NEK10: variants seen among roughly 807,000 people sequenced by gnomAD.
The protein encoded by NEK10 is NIMA related kinase 10, also known as serine/threonine-protein kinase Nek10.
A neutral mutation model predicts 159.8 loss-of-function variants in NEK10; 122 were observed. The observed-to-expected ratio is 0.76, with a 90% CI of 0.66 to 0.89. The LOEUF (loss-of-function observed/expected upper bound fraction) is 0.89. Among genes scored for constraint, NEK10 ranks in the 40% least tolerant of loss-of-function variants. The pLI, the probability that NEK10 is intolerant of heterozygous loss-of-function variation, is 0.00. For missense variants in NEK10, 1,342 were observed against 1,323.1 expected (o/e 1.01, Z -0.22); for synonymous variants, 466 against 457.1 (o/e 1.02, Z -0.25).
intron 22 of NEK10, among the ~76,000 whole-genome samples, chr3:27,280,097 A>G (rs1404574685): frequency 7.5e-6 from 1 of 133,918 alleles, no homozygotes; most frequent in Non-Finnish European, 1.6e-5. Context: ...CTAAAATGGA[A>G]AAAAAAAAAA....
chr3:27,250,975 A>G (rs1339933000), intron 23 of NEK10, among the ~76,000 whole-genome samples: 1 of 152,172 alleles, frequency 6.6e-6, no homozygotes, highest in Non-Finnish European at 1.5e-5. Flanking sequence ...AATGAGTACT[A>G]TCCTTTCAAA....
chr3:27,146,340 G>C (rs921526368), intron 30 of NEK10, among the ~76,000 whole-genome samples: 2 of 152,064 alleles, frequency 1.3e-5, no homozygotes, highest in Non-Finnish European at 2.9e-5. Flanking sequence ...GGGTTACACT[G>C]TACTCTCCCA....
chr3:27,278,386 C>A (rs1218726652), intron 22 of NEK10, among the ~76,000 whole-genome samples: 2 of 152,192 alleles, frequency 1.3e-5, no homozygotes, highest in Non-Finnish European at 2.9e-5. Flanking sequence ...GAATAACAGA[C>A]GTTTTCCCCA....
intron 23 of NEK10, among the ~76,000 whole-genome samples, chr3:27,203,293 G>T (rs1301514456): frequency 6.6e-6 from 1 of 152,138 alleles, no homozygotes; most frequent in Non-Finnish European, 1.5e-5. Context: ...CTGACTGATA[G>T]AGCCTTTCCC....
chr3:27,116,514 A>G (rs368898783), intron 33 of NEK10, among the ~76,000 whole-genome samples: 62 of 152,318 alleles, frequency 4.1e-4, no homozygotes, highest in African/African-American at 1.4e-3. Context: ...AAGAATAAAT[A>G]TACGTTAGAA....
At chr3:27,340,106 C>T (rs117012690) in intron 5 of NEK10, among the ~76,000 whole-genome samples, 2,998 of 152,230 alleles carry the variant, frequency 0.02, 149 homozygotes, top group East Asian at 0.16. Flanking sequence ...TGGAACCAAC[C>T]CAAATGCTTA....
At chr3:27,120,919 TG>T (rs1190830998) in intron 32 of NEK10, among the ~76,000 whole-genome samples, 1 of 152,144 alleles carries the variant, frequency 6.6e-6, no homozygotes. Flanking sequence ...TCAGAAAAAA[TG>T]GCATAATTTG....
rs1193292503 is a variant in NEK10, at chr3:27,297,171, G to T, written c.1230+8C>A. ...TGGAGACCTGACCTTGAGAAGGAGT[G>T]CTCTCACCTGAACCACCTGGTGGGC... On this transcript the variant is annotated splice_region_variant and intron_variant, in intron 14 of 35. Transcript: ENST00000691995. 1 of 1,599,000 alleles carries T rather than the reference G, an allele frequency of 6.3e-7. No individual in the cohort carries two copies. The highest frequency in any genetic ancestry group is 1.7e-5 in the Admixed American group (1 of 59,992).
At chr3:27,153,080 G>C (rs1436616256) in intron 30 of NEK10, among the ~76,000 whole-genome samples, 1 of 152,072 alleles carries the variant, frequency 6.6e-6, no homozygotes, top group Non-Finnish European at 1.5e-5. Flanking sequence ...CCAGCACTTT[G>C]GGAGGCCAAG....
chr3:27,114,163 T>G (rs111567708), intron 35 of NEK10, among the ~76,000 whole-genome samples: 25 of 152,188 alleles, frequency 1.6e-4, no homozygotes, highest in African/African-American at 5.5e-4. Context: ...TTACACAGCT[T>G]TCTTCCTTCC....
intron 19 of NEK10, among the ~76,000 whole-genome samples, chr3:27,289,863 G>A (rs1024170241): frequency 2.6e-5 from 4 of 152,238 alleles, no homozygotes; most frequent in African/African-American, 4.8e-5. Flanking sequence ...TAGAACTATC[G>A]ATTTTTATGA....
chr3:27,118,834 T>G (rs575063566), intron 33 of NEK10, among the ~76,000 whole-genome samples: 214 of 152,320 alleles, frequency 1.4e-3, no homozygotes, highest in Non-Finnish European at 2.4e-3. Flanking sequence ...TTTAGCTTTA[T>G]CCCAGAAGAC....
rs773283112 is a variant in NEK10, at chr3:27,352,872, T to C, written c.11A>G (p.Gln4Arg). Reference sequence around the variant, plus strand: ...TTCTGTGGTCTTCACCTTTTTATCTTGATCAGGCATTGTAAAACATCAATG... The same window carrying C: ...TTCTGTGGTCTTCACCTTTTTATCTCGATCAGGCATTGTAAAACATCAATG... MPDQDKKVKTTEKS... is the reference protein window; with the variant it reads MPDRDKKVKTTEKS... Residue 4 changes from glutamine to arginine, a missense_variant, in exon 2 of 36, where the codon CAA becomes CGA. Gln to Arg is a conservative substitution (Grantham distance 43). Coordinates refer to ENST00000691995, the MANE Select transcript of NEK10 (RefSeq NM_001394966.1). The C allele has an allele frequency of 1.2e-6, 2 of 1,607,146 alleles. No homozygotes were observed. Among genetic ancestry groups the C allele is most frequent in the Non-Finnish European group, 1.7e-6 (2 of 1,174,246 alleles).
intron 1 of NEK10, among the ~76,000 whole-genome samples, chr3:27,361,782 C>A (rs1451334645): frequency 6.6e-6 from 1 of 152,130 alleles, no homozygotes; most frequent in Non-Finnish European, 1.5e-5. Flanking sequence ...GCTGCAAAAA[C>A]TAGAAGTACT....
At chr3:27,344,225 C>A in intron 5 of NEK10, 47 bp downstream of exon 5, 1 of 860,012 alleles carries the variant, frequency 1.2e-6, no homozygotes, top group Non-Finnish European at 1.9e-6. Context: ...AGATAGATGA[C>A]ATATGCCACT....
At chr3:27,247,943 T>C (rs1050395047) in intron 23 of NEK10, among the ~76,000 whole-genome samples, 4 of 151,716 alleles carry the variant, frequency 2.6e-5, no homozygotes, top group African/African-American at 9.7e-5. Flanking sequence ...TTGTGTAGGA[T>C]TGGTATTAGT....
In NEK10 at chr3:27,284,883, T is replaced by C. The variant is rs1482140320; in HGVS notation, c.1868A>G (p.His623Arg). 2 of 1,591,672 alleles carry C rather than the reference T, an allele frequency of 1.3e-6. No individual in the cohort carries two copies. Among genetic ancestry groups the C allele is most frequent in the African/African-American group, 1.3e-5 (1 of 74,508 alleles). ...GEHFSSLKEK[H>R]HHFTEERLWK... ...TAGTCTTTCTTCAGTAAAATGGTGA[T>C]GTTTTTCCTTCAAAGAACTGAAATG... Residue 623 changes from histidine (H) to arginine (R), a missense_variant, in exon 21 of 36, where the codon CAT (histidine) becomes CGT (arginine). By Grantham distance (29) the His-to-Arg change is conservative. Coordinates refer to ENST00000691995, the MANE Select transcript of NEK10 (RefSeq NM_001394966.1).
chr3:27,297,125 T>G (rs2149516531), intron 14 of NEK10, 54 bp downstream of exon 14: 101 of 1,115,752 alleles, frequency 9.1e-5, no homozygotes, highest in Non-Finnish European at 1.2e-4. Context: ...CACCACAAGG[T>G]GAGTTGATTA....
chr3:27,158,632 C>T (rs1475890378), intron 30 of NEK10, among the ~76,000 whole-genome samples: 1 of 152,148 alleles, frequency 6.6e-6, no homozygotes, highest in East Asian at 1.9e-4. Context: ...TGCATAAGAA[C>T]CCATACATCG....
Sources: gnomAD v4.1 joint callset for allele counts (sites outside exome capture counted in the v4.1 genomes callset) on GRCh38, gnomAD v4.1.1 for gene constraint, MANE v1.5 for transcripts, NCBI Gene and HGNC (gene_info 2026-07-23, HGNC 2026-07-21) for gene names.